The following TRMT61B variants were observed in gnomAD, a reference collection of about 807,000 sequenced individuals.
TRMT61B encodes the protein tRNA methyltransferase 61B.
In TRMT61B, 56 loss-of-function variants were observed where a neutral mutation model predicts 52.0. That is an observed-to-expected ratio of 1.08 (90% CI 0.87 to 1.35). TRMT61B has a LOEUF of 1.35. Ranked by LOEUF, TRMT61B falls within the 40% of genes most tolerant of loss-of-function variation. TRMT61B has a pLI of 0.00. For missense variants in TRMT61B, 650 were observed against 577.9 expected, an observed-to-expected ratio of 1.12 and a Z score of -1.28; for synonymous variants, 206 against 220.0, an observed-to-expected ratio of 0.94 and a Z score of 0.56.
In TRMT61B at chr2:28,849,932, TG is replaced by T. The variant is rs773161970; in HGVS notation, c.*266del. 3.8e-6 allele frequency: 6 copies of T among 1,589,148 alleles called. No homozygotes were observed. The highest frequency in any genetic ancestry group is 5.1e-6 in the Non-Finnish European group (6 of 1,172,208). On this transcript the variant is annotated 3_prime_UTR_variant, in exon 7 of 7. Coordinates refer to ENST00000306108, the MANE Select transcript of TRMT61B (RefSeq NM_017910.4). ...AATCTATGGAGTGGTTTACAGGAAG[TG>T]AAGAATGAGATGGCCCAACTAAACC... is the stretch of plus-strand genomic sequence containing the variant.
chr2:28,850,918 G>GGC, intron 5 of TRMT61B, among the ~76,000 whole-genome samples, 154 bp downstream of exon 5: 1 of 152,154 alleles, frequency 6.6e-6, no homozygotes, highest in South Asian at 2.1e-4. Flanking sequence ...GGCAGGAAAA[G>GGC]TCATTATTCT....
At chr2:28,859,843 C>T (rs1280798395) in intron 3 of TRMT61B, among the ~76,000 whole-genome samples, 1 of 152,090 alleles carries the variant, frequency 6.6e-6, no homozygotes, top group African/African-American at 2.4e-5. Context: ...CTAAACAGAG[C>T]TCTTTCCCCC....
chr2:28,854,770 AAC>A lies in TRMT61B; in HGVS notation c.994-2273_994-2272del, dbSNP rs1669272046. On this transcript the variant is annotated intron_variant, in intron 3 of 6. Transcript: ENST00000306108. ...AAAAAAAAAAAAAAAAAAAAAAAAAAACTGCCAGGCGTGGTGGCATGCTCCTG... is the reference window on the plus strand; with the variant it reads ...AAAAAAAAAAAAAAAAAAAAAAAAAATGCCAGGCGTGGTGGCATGCTCCTG... Among the ~76,000 whole-genome samples, 15 of 109,416 alleles carry A rather than the reference AAC, an allele frequency of 1.4e-4. 1 individual carries two copies. Among genetic ancestry groups the A allele is most frequent in the East Asian group, 1.2e-3 (4 of 3,352 alleles). 71.8% of individuals were successfully genotyped at this position (109,416 alleles called of 152,430 possible). A position where few individuals can be genotyped will look rare whatever the true frequency, so the allele number is the denominator to read the frequency against.
chr2:28,866,433 C>T (rs1331119708), intron 1 of TRMT61B, among the ~76,000 whole-genome samples: 1 of 152,172 alleles, frequency 6.6e-6, no homozygotes, highest in Non-Finnish European at 1.5e-5. Context: ...ATTGTTCCAC[C>T]TCAGATCATC....
chr2:28,863,181 A>T (rs1485213324), intron 2 of TRMT61B, among the ~76,000 whole-genome samples: 1 of 152,080 alleles, frequency 6.6e-6, no homozygotes, highest in Non-Finnish European at 1.5e-5. Context: ...CATGCCTGTA[A>T]TCCCAGCACT....
intron 1 of TRMT61B, among the ~76,000 whole-genome samples, chr2:28,867,742 G>A (rs1354112246): frequency 2.0e-5 from 3 of 152,102 alleles, no homozygotes; most frequent in Non-Finnish European, 4.4e-5. Flanking sequence ...AATTACGAAA[G>A]TCTTTTAGTT....
At chr2:28,866,254 G>A (rs944450656) in intron 1 of TRMT61B, among the ~76,000 whole-genome samples, 2 of 152,264 alleles carry the variant, frequency 1.3e-5, no homozygotes, top group African/African-American at 2.4e-5. Context: ...GCCTCCTAAA[G>A]TGCTGGGATT....
At position 28,865,073 on chromosome 2, in the gene TRMT61B, G is replaced by A; in HGVS notation, c.746C>T (p.Thr249Ile). 1.2e-6 allele frequency: 2 copies of A among 1,613,190 alleles called. No individual in the cohort carries two copies. Among genetic ancestry groups the A allele is most frequent in the Non-Finnish European group, 1.7e-6 (2 of 1,179,316 alleles). The change falls in exon 2 of 7, where the codon ACT becomes ATT. Residue 249 changes from threonine (T) to isoleucine (I), a missense_variant. Coordinates refer to ENST00000306108, the MANE Select transcript of TRMT61B (RefSeq NM_017910.4). ...AGAGCCTGAGCCAGCTTCCAAAACA[G>A]TATCACCTGGGTTGATATCCATCAT... ...LSMMDINPGD[T>I]VLEAGSGSGG...
chr2:28,864,055 G>A (rs917637483), intron 2 of TRMT61B, among the ~76,000 whole-genome samples: 1 of 151,706 alleles, frequency 6.6e-6, no homozygotes, highest in African/African-American at 2.4e-5. Context: ...CTTGATTTTT[G>A]ATCAGACACC....
rs768086972 is a variant in TRMT61B at position 28,870,058 on chromosome 2, T to A, written c.220A>T (p.Ile74Phe). The A allele has an allele frequency of 3.9e-5, 63 of 1,613,822 alleles. No homozygotes were observed. Among genetic ancestry groups the A allele is most frequent in the Non-Finnish European group, 5.3e-5 (62 of 1,179,944 alleles). ...AGACATCCAGTCCCAATGTCCGAGA[T>A]GCTCAGAGGGAGAGATGGGCAAGAC... ...AESCPSLPLS[I>F]SDIGTGCLSS... Residue 74 changes from isoleucine to phenylalanine, a missense_variant, in exon 1 of 7, where the codon ATC becomes TTC. Ile to Phe is a conservative substitution (Grantham distance 21). Coordinates refer to ENST00000306108, the MANE Select transcript of TRMT61B (RefSeq NM_017910.4).
At chr2:28,852,531 C>G (rs372524649) in intron 3 of TRMT61B, 32 bp from the exon 4 acceptor site, 2 of 1,387,612 alleles carry the variant, frequency 1.4e-6, no homozygotes, top group African/African-American at 1.4e-5. Flanking sequence ...CTGGATCAGT[C>G]TGATTCCGTT....
rs565254594 is a variant in TRMT61B at position 28,855,293 on chromosome 2, T to C, written c.994-2794A>G. Among the ~76,000 whole-genome samples the C allele has an allele frequency of 3.2e-3, 489 of 152,326 alleles. 2 individuals are homozygous for C. The highest frequency in any genetic ancestry group is 0.011 in the African/African-American group (448 of 41,570). On this transcript the variant is annotated intron_variant, in intron 3 of 6. Transcript: ENST00000306108. Reference sequence around the variant, plus strand: ...AAGATTGACATGATTTGAACTTTTTTAAAAAACTATTTTTGTGTGTGGTAA... The same window carrying C: ...AAGATTGACATGATTTGAACTTTTTCAAAAAACTATTTTTGTGTGTGGTAA...
chr2:28,870,286 G>C lies in TRMT61B; in HGVS notation c.-9C>G, dbSNP rs1403056619. The C allele has an allele frequency of 1.6e-5, 25 of 1,536,934 alleles. No individual in the cohort carries two copies. The highest frequency in any genetic ancestry group is 2.1e-5 in the Non-Finnish European group (24 of 1,146,110). On this transcript the variant is annotated 5_prime_UTR_variant, in exon 1 of 7. Transcript: ENST00000306108. ...CACCATGCCATTAGCATAGTGTTTC[G>C]CGAAGGCGCCGTCGCAGACGAGTGA... is the stretch of plus-strand genomic sequence containing the variant.
intron 1 of TRMT61B, among the ~76,000 whole-genome samples, chr2:28,865,414 A>G (rs1558349151): frequency 6.6e-6 from 1 of 152,208 alleles, no homozygotes. Flanking sequence ...TCACAAGGTA[A>G]AAACAGCTTT....
intron 4 of TRMT61B, among the ~76,000 whole-genome samples, chr2:28,851,939 T>C (rs963367403): frequency 9.0e-6 from 1 of 110,938 alleles, no homozygotes; most frequent in Non-Finnish European, 1.9e-5. Flanking sequence ...TAAATAAATA[T>C]ACAGTAATAT....
rs1469146504 is a variant in TRMT61B, at chr2:28,860,263, C to T, written c.993+855G>A. Reference sequence around the variant, plus strand: ...CTCCACCCTAAGCAACAGAATGAGACTCTGTTGCCAAAAAAAAAAAAAAAA... The same window carrying T: ...CTCCACCCTAAGCAACAGAATGAGATTCTGTTGCCAAAAAAAAAAAAAAAA... On this transcript the variant is annotated intron_variant, in intron 3 of 6. Coordinates refer to ENST00000306108, the MANE Select transcript of TRMT61B (RefSeq NM_017910.4). 1.0e-4 allele frequency among the ~76,000 whole-genome samples: 8 copies of T among 79,446 alleles called. No individual in the cohort carries two copies. In the East Asian group the frequency reaches 3.4e-3, roughly 34 times the overall value. The allele number at this position is 79,446 out of a possible 152,430, so 52.1% of individuals were successfully genotyped here. A position where few individuals can be genotyped will look rare whatever the true frequency, so the allele number is the denominator to read the frequency against.
At chr2:28,867,675 C>G (rs1669906194) in intron 1 of TRMT61B, among the ~76,000 whole-genome samples, 1 of 152,146 alleles carries the variant, frequency 6.6e-6, no homozygotes. Flanking sequence ...TGAAATGTAA[C>G]TAATCTCTCC....
intron 3 of TRMT61B, among the ~76,000 whole-genome samples, chr2:28,853,551 T>C (rs1669212932): frequency 6.6e-6 from 1 of 152,198 alleles, no homozygotes; most frequent in Admixed American, 6.5e-5. Flanking sequence ...AAATTCACAT[T>C]GTTGGCCAGA....
intron 3 of TRMT61B, among the ~76,000 whole-genome samples, chr2:28,859,508 A>G (rs1003054346): frequency 6.6e-6 from 1 of 152,186 alleles, no homozygotes; most frequent in African/African-American, 2.4e-5. Flanking sequence ...TCTAGCTTCT[A>G]CTTAACAGTT....
Sources: allele counts gnomAD v4.1 joint callset (sites outside exome capture counted in the v4.1 genomes callset), GRCh38; gene constraint gnomAD v4.1.1; transcripts MANE v1.5; gene names NCBI Gene and HGNC (gene_info 2026-07-23, HGNC 2026-07-21).